COPE: variants seen among roughly 807,000 people sequenced by gnomAD.
COPE encodes the protein coat protein complex I subunit epsilon.
In COPE, 19 loss-of-function variants were observed where a neutral mutation model predicts 42.1. The ratio of observed to expected loss-of-function variants is 0.45; its 90% CI spans 0.31 to 0.66. The LOEUF (loss-of-function observed/expected upper bound fraction) is 0.66, where lower values mean the gene tolerates loss of function less well. Among genes scored for constraint, COPE ranks in the 30% least tolerant of loss-of-function variants. The probability of loss-of-function intolerance (pLI) is 0.05; values close to 1 mark genes in which losing one functional copy is unlikely to be tolerated. For missense variants in COPE, 402 were observed against 416.1 expected, an observed-to-expected ratio of 0.97 and a Z score of 0.30; for synonymous variants, 195 against 181.3, an observed-to-expected ratio of 1.08 and a Z score of -0.60.
chr19:18,900,944 T>C (rs1336291693), intron 7 of COPE, among the ~76,000 whole-genome samples: 1 of 152,170 alleles, frequency 6.6e-6, no homozygotes, highest in African/African-American at 2.4e-5. Context: ...TGGTGTCTGC[T>C]TGGAGCACAG....
At chr19:18,915,295 G>A (rs1410506539) in intron 1 of COPE, among the ~76,000 whole-genome samples, 3 of 152,224 alleles carry the variant, frequency 2.0e-5, no homozygotes, top group Non-Finnish European at 4.4e-5. Context: ...GGGGCACCAG[G>A]GTGGCCTCAG....
At chr19:18,907,156 T>C in intron 3 of COPE, 44 bp from the exon 4 acceptor site, 1 of 1,590,036 alleles carries the variant, frequency 6.3e-7, no homozygotes, top group East Asian at 2.3e-5. Flanking sequence ...GGGTGGCCTC[T>C]GTGGGACCTC....
intron 7 of COPE, among the ~76,000 whole-genome samples, 172 bp downstream of exon 7, chr19:18,903,096 C>G (rs953289818): frequency 1.3e-5 from 2 of 152,128 alleles, no homozygotes; most frequent in African/African-American, 4.8e-5. Flanking sequence ...GATTTCTTTG[C>G]AGGTGAGATC....
chr19:18,919,387 C>G lies in COPE; in HGVS notation c.-39G>C. The G allele has an allele frequency of 6.2e-7, 1 of 1,603,444 alleles. No homozygotes were observed. The highest frequency in any genetic ancestry group is 8.5e-7 in the Non-Finnish European group (1 of 1,175,514). On this transcript the variant is annotated 5_prime_UTR_variant, in exon 1 of 10. Transcript: ENST00000262812. ...CACCAGCTCCTCTTCCTGAAAGACA[C>G]GTCAGCCGGAAGCAAGACACGGGCA...
At chr19:18,910,675 C>T (rs987702028) in intron 3 of COPE, 9 of 435,150 alleles carry the variant, frequency 2.1e-5, no homozygotes, top group African/African-American at 3.9e-5. Context: ...GAGGGCTGCT[C>T]GGTAATTGAT....
chr19:18,907,170 G>A (rs1467456481), intron 3 of COPE, 58 bp from the exon 4 acceptor site: 1 of 1,567,704 alleles, frequency 6.4e-7, no homozygotes, highest in Non-Finnish European at 8.6e-7. Flanking sequence ...GGACCTCAGA[G>A]GGTCCCCTTC....
chr19:18,903,572 C>G (rs2056729936), intron 6 of COPE, 149 bp from the exon 7 acceptor site: 1 of 932,054 alleles, frequency 1.1e-6, no homozygotes, highest in African/African-American at 1.7e-5. Flanking sequence ...GCCATGGGGA[C>G]TACCCGTAAC....
chr19:18,919,323 G>A lies in COPE; in HGVS notation c.26C>T (p.Ala9Val). Residue 9 changes from alanine to valine, a missense_variant, in exon 1 of 10, where the codon GCC (alanine) becomes GTC (valine). Coordinates refer to ENST00000262812, the MANE Select transcript of COPE (RefSeq NM_007263.4). MAPPAPGPASGGSGEVDEL... is the reference protein window; with the variant it reads MAPPAPGPVSGGSGEVDEL... ...GTCTACCTCCCCGGAGCCGCCGGAG[G>A]CCGGGCCGGGGGCCGGAGGCGCCAT... The A allele has an allele frequency of 1.9e-6, 3 of 1,613,536 alleles. No individual in the cohort carries two copies. Among genetic ancestry groups the A allele is most frequent in the Non-Finnish European group, 1.7e-6 (2 of 1,179,938 alleles).
intron 4 of COPE, chr19:18,906,598 G>T: frequency 5.0e-6 from 1 of 201,036 alleles, no homozygotes; most frequent in South Asian, 1.2e-4. Context: ...CCCTGGAGGA[G>T]GGCCGGTATG....
chr19:18,918,192 AAAAAAAAAAAAG>A (rs1330349505), intron 1 of COPE, among the ~76,000 whole-genome samples: 1 of 148,664 alleles, frequency 6.7e-6, no homozygotes, highest in African/African-American at 2.5e-5. Context: ...CATCTCAAAA[AAAAAAAAAAAAG>A]AAAAGAAAAG....
Position 18,911,447 on chromosome 19 carries a change from C to T in COPE, c.190-376G>A, listed in dbSNP as rs576187698. 384 of 230,980 alleles carry T rather than the reference C, an allele frequency of 1.7e-3. 3 individuals are homozygous for T. Among genetic ancestry groups the T allele is most frequent in the Middle Eastern group, 8.8e-3 (5 of 566 alleles). 14.3% of individuals were successfully genotyped at this position (230,980 alleles called of 1,614,324 possible). On this transcript the variant is annotated intron_variant, in intron 2 of 9. Transcript: ENST00000262812. ...TAAAGCAGGACATGCCCCCAGCCAGCCCTGCCCACCTACTGGCCCTCTGAG... is the reference window on the plus strand; with the variant it reads ...TAAAGCAGGACATGCCCCCAGCCAGTCCTGCCCACCTACTGGCCCTCTGAG...
intron 3 of COPE, among the ~76,000 whole-genome samples, chr19:18,908,596 A>T (rs1227120673): frequency 6.7e-6 from 1 of 149,166 alleles, no homozygotes; most frequent in Non-Finnish European, 1.5e-5. Context: ...GGCTCACTGC[A>T]AGCTCCGCCT....
intron 1 of COPE, among the ~76,000 whole-genome samples, chr19:18,917,296 C>G (rs1295602318): frequency 6.8e-6 from 1 of 146,698 alleles, no homozygotes; most frequent in Non-Finnish European, 1.5e-5. Context: ...GTAAGAGCAC[C>G]AACATCTCAG....
chr19:18,919,078 T>C, intron 1 of COPE, 145 bp downstream of exon 1: 2 of 744,126 alleles, frequency 2.7e-6, no homozygotes, highest in Non-Finnish European at 4.4e-6. Context: ...GGACAGTGAC[T>C]ACTCCTCACT....
At chr19:18,916,332 GAC>G (rs2056853574) in intron 1 of COPE, among the ~76,000 whole-genome samples, 1 of 147,192 alleles carries the variant, frequency 6.8e-6, no homozygotes, top group African/African-American at 2.5e-5. Flanking sequence ...CAGCCTGGGT[GAC>G]AGAGTTAGAC....
chr19:18,918,412 T>C (rs2056878476), intron 1 of COPE, among the ~76,000 whole-genome samples: 1 of 152,132 alleles, frequency 6.6e-6, no homozygotes, highest in South Asian at 2.1e-4. Context: ...TTCTCTAAAA[T>C]AAACCTGTCT....
intron 2 of COPE, among the ~76,000 whole-genome samples, chr19:18,912,738 C>CAA (rs10716350): frequency 8.8e-6 from 1 of 113,182 alleles, no homozygotes; most frequent in African/African-American, 3.3e-5. Context: ...GACTCCGTCT[C>CAA]AAAAAAAAAA....
chr19:18,903,760 G>A (rs1440780718), intron 6 of COPE, among the ~76,000 whole-genome samples: 2 of 152,348 alleles, frequency 1.3e-5, no homozygotes, highest in Non-Finnish European at 2.9e-5. Context: ...GTCAGAGGAG[G>A]AGGAGTCAGC....
intron 7 of COPE, among the ~76,000 whole-genome samples, chr19:18,900,983 C>T (rs570409118): frequency 4.6e-5 from 7 of 152,342 alleles, no homozygotes; most frequent in South Asian, 2.1e-4. Flanking sequence ...GCCCAGAGCC[C>T]GACCTGCCCA....
Sources: allele counts gnomAD v4.1 joint callset (sites outside exome capture counted in the v4.1 genomes callset), GRCh38; gene constraint gnomAD v4.1.1; transcripts MANE v1.5; gene names NCBI Gene and HGNC (gene_info 2026-07-23, HGNC 2026-07-21).